MAGI1: variants seen among roughly 807,000 people sequenced by gnomAD.
The protein encoded by MAGI1 is membrane associated guanylate kinase, WW and PDZ domain containing 1.
A neutral mutation model predicts 139.9 loss-of-function variants in MAGI1; 58 were observed. That is an observed-to-expected ratio of 0.41 (90% CI 0.34 to 0.52). The LOEUF is 0.52. MAGI1 is among the 20% of genes least tolerant of loss of function. MAGI1 has a pLI of 0.12. For missense variants in MAGI1, 1,874 were observed against 1,901.6 expected, an observed-to-expected ratio of 0.99 and a Z score of 0.27; for synonymous variants, 812 against 737.9, an observed-to-expected ratio of 1.10 and a Z score of -1.63.
chr3:65,516,195 T>A (rs998222520), intron 2 of MAGI1, among the ~76,000 whole-genome samples: 3 of 152,006 alleles, frequency 2.0e-5, no homozygotes, highest in Admixed American at 6.6e-5. Flanking sequence ...TCTCTCTTTT[T>A]TTTGAGATGG....
chr3:65,849,273 C>T (rs1216692273), intron 1 of MAGI1, among the ~76,000 whole-genome samples: 1 of 151,038 alleles, frequency 6.6e-6, no homozygotes, highest in African/African-American at 2.4e-5. Context: ...GATCCACCCG[C>T]CTCAGTCTCC....
At chr3:65,781,044 A>C (rs563401185) in intron 1 of MAGI1, among the ~76,000 whole-genome samples, 2 of 152,274 alleles carry the variant, frequency 1.3e-5, no homozygotes, top group East Asian at 3.9e-4. Context: ...AAAAATATAA[A>C]ACTTAGCCAG....
At chr3:65,483,563 C>T (rs1020389683) in intron 3 of MAGI1, among the ~76,000 whole-genome samples, 1 of 152,230 alleles carries the variant, frequency 6.6e-6, no homozygotes, top group African/African-American at 2.4e-5. Flanking sequence ...TGATTAAAAA[C>T]TTAATTGGGG....
intron 1 of MAGI1, 75 bp from the exon 2 acceptor site, chr3:65,622,163 T>G: frequency 9.6e-7 from 1 of 1,036,448 alleles, no homozygotes; most frequent in Non-Finnish European, 1.5e-6. Context: ...AAGAACTGAT[T>G]GCAAGAAAGC....
At chr3:65,447,047 T>G (rs944316624) in intron 7 of MAGI1, among the ~76,000 whole-genome samples, 2 of 152,216 alleles carry the variant, frequency 1.3e-5, no homozygotes, top group Non-Finnish European at 2.9e-5. Context: ...TTTCAGGTCT[T>G]TAGGCAATCT....
At chr3:65,449,573 G>A (rs1948894910) in intron 6 of MAGI1, among the ~76,000 whole-genome samples, 1 of 151,976 alleles carries the variant, frequency 6.6e-6, no homozygotes. Context: ...TTGGGAGTTC[G>A]AGACCAGCCT....
At chr3:65,750,937 G>T (rs1447834887) in intron 1 of MAGI1, among the ~76,000 whole-genome samples, 1 of 152,208 alleles carries the variant, frequency 6.6e-6, no homozygotes, top group African/African-American at 2.4e-5. Context: ...AGTTACCAAA[G>T]TGGCTTGAAA....
intron 1 of MAGI1, among the ~76,000 whole-genome samples, chr3:65,869,576 A>G (rs2059863457): frequency 6.6e-6 from 1 of 151,518 alleles, no homozygotes; most frequent in Non-Finnish European, 1.5e-5. Flanking sequence ...AATTTTTTGT[A>G]TTTTTAGTAG....
At position 65,592,743 on chromosome 3, in the gene MAGI1, A is replaced by G. The variant is rs1307891504; in HGVS notation, c.430+29229T>C. Among the ~76,000 whole-genome samples the G allele has an allele frequency of 2.0e-5, 3 of 152,194 alleles. No individual in the cohort carries two copies. The East Asian group carries it at 5.8e-4, about 29-fold the overall frequency. ...AGAATGAGGGCTAGTGTGTAATTTT[A>G]TGCTGCATTTTTCCATTGTGCTTGA... On this transcript the variant is annotated intron_variant, in intron 2 of 22. Coordinates refer to ENST00000402939, the MANE Select transcript of MAGI1 (RefSeq NM_001033057.2).
intron 13 of MAGI1, among the ~76,000 whole-genome samples, chr3:65,395,681 T>G: frequency 9.1e-6 from 1 of 110,192 alleles, no homozygotes. Flanking sequence ...GTGGACTTTC[T>G]GAAGAACAAA....
At chr3:65,648,989 T>C (rs117608998) in intron 1 of MAGI1, among the ~76,000 whole-genome samples, 2 of 152,218 alleles carry the variant, frequency 1.3e-5, no homozygotes, top group East Asian at 1.9e-4. Flanking sequence ...ACTGAAACAA[T>C]TGGACATTCA....
At chr3:65,971,180 A>C (rs1331104845) in intron 1 of MAGI1, among the ~76,000 whole-genome samples, 1 of 152,176 alleles carries the variant, frequency 6.6e-6, no homozygotes, top group Non-Finnish European at 1.5e-5. Flanking sequence ...TCCAGCCTGG[A>C]AACAGAGCGA....
intron 1 of MAGI1, among the ~76,000 whole-genome samples, chr3:65,744,328 G>T (rs1003738221): frequency 4.6e-5 from 7 of 152,292 alleles, no homozygotes; most frequent in Admixed American, 3.9e-4. Flanking sequence ...TAGGTTAGAC[G>T]ATGTGACTCC....
At chr3:65,686,484 G>C (rs1454535916) in intron 1 of MAGI1, among the ~76,000 whole-genome samples, 1 of 152,048 alleles carries the variant, frequency 6.6e-6, no homozygotes, top group Non-Finnish European at 1.5e-5. Flanking sequence ...GTAGAGACAG[G>C]TTTTCACCGT....
At chr3:65,655,736 T>C (rs2085838066) in intron 1 of MAGI1, among the ~76,000 whole-genome samples, 2 of 152,230 alleles carry the variant, frequency 1.3e-5, no homozygotes, top group African/African-American at 4.8e-5. Context: ...GTTGCCCAAG[T>C]TCACACAGCT....
chr3:65,885,463 G>A (rs1385310674), intron 1 of MAGI1, among the ~76,000 whole-genome samples: 2 of 152,084 alleles, frequency 1.3e-5, no homozygotes, highest in Non-Finnish European at 2.9e-5. Context: ...TAATGAGGGG[G>A]AAAAACAAAA....
intron 3 of MAGI1, among the ~76,000 whole-genome samples, chr3:65,492,451 T>A (rs984468885): frequency 6.6e-6 from 1 of 152,220 alleles, no homozygotes; most frequent in African/African-American, 2.4e-5. Context: ...AGGGAAGTGG[T>A]TAAATAAATT....
chr3:65,521,164 T>C (rs1329768507), intron 2 of MAGI1, among the ~76,000 whole-genome samples: 1 of 152,080 alleles, frequency 6.6e-6, no homozygotes, highest in Non-Finnish European at 1.5e-5. Flanking sequence ...TAACCTAAGC[T>C]TGATAACAGA....
chr3:66,021,685 T>C (rs2067970773), intron 1 of MAGI1, among the ~76,000 whole-genome samples: 1 of 152,192 alleles, frequency 6.6e-6, no homozygotes, highest in Admixed American at 6.5e-5. Flanking sequence ...AGGTCTGGGA[T>C]GGGGTCTAGT....
Sources: gnomAD v4.1 joint callset for allele counts (sites outside exome capture counted in the v4.1 genomes callset) on GRCh38, gnomAD v4.1.1 for gene constraint, MANE v1.5 for transcripts, NCBI Gene and HGNC (gene_info 2026-07-23, HGNC 2026-07-21) for gene names.